HK2: variants seen among roughly 807,000 people sequenced by gnomAD.
HK2 encodes the protein hexokinase 2.
In HK2, 42 loss-of-function variants were observed where a neutral mutation model predicts 92.9. That is an observed-to-expected ratio of 0.45 (90% confidence interval 0.35 to 0.58). HK2 has a LOEUF of 0.58. Among genes scored for constraint, HK2 ranks in the 20% least tolerant of loss-of-function variants. The pLI, the probability that HK2 is intolerant of heterozygous loss-of-function variation, is 0.00. For synonymous variants in HK2, 422 were observed against 468.0 expected (o/e 0.90, Z 1.27); for missense variants, 978 against 1,245.1 (o/e 0.79, Z 3.23).
At chr2:74,865,214 A>G (rs1208183698) in intron 2 of HK2, among the ~76,000 whole-genome samples, 1 of 152,096 alleles carries the variant, frequency 6.6e-6, no homozygotes, top group Non-Finnish European at 1.5e-5. Flanking sequence ...TGTGTGTTCC[A>G]GAGGAGTCCT....
chr2:74,876,259 G>T (rs1247308668), intron 7 of HK2, among the ~76,000 whole-genome samples: 1 of 152,146 alleles, frequency 6.6e-6, no homozygotes, highest in African/African-American at 2.4e-5. Flanking sequence ...AGGTAACCTT[G>T]GAATCCCTTC....
At chr2:74,851,294 G>A (rs1688560760) in intron 1 of HK2, among the ~76,000 whole-genome samples, 1 of 152,232 alleles carries the variant, frequency 6.6e-6, no homozygotes, top group Admixed American at 6.5e-5. Context: ...GGAAGTGCCT[G>A]ACAGGTGAGA....
At chr2:74,856,535 G>C (rs1490242017) in intron 2 of HK2, among the ~76,000 whole-genome samples, 3 of 152,180 alleles carry the variant, frequency 2.0e-5, no homozygotes, top group Non-Finnish European at 4.4e-5. Flanking sequence ...ACACACTCCG[G>C]AAGGCCAGGG....
At chr2:74,888,803 G>A (rs1032719184) in intron 16 of HK2, among the ~76,000 whole-genome samples, 17 of 151,978 alleles carry the variant, frequency 1.1e-4, no homozygotes, top group African/African-American at 3.4e-4. Context: ...TTCGTAAATA[G>A]CATATAAATA....
chr2:74,848,947 G>T (rs1469604344), intron 1 of HK2, among the ~76,000 whole-genome samples: 1 of 152,204 alleles, frequency 6.6e-6, no homozygotes, highest in Non-Finnish European at 1.5e-5. Flanking sequence ...GATGGGCCTG[G>T]TTTCTCTGAG....
chr2:74,861,282 G>T (rs573656201), intron 2 of HK2, among the ~76,000 whole-genome samples: 1 of 152,140 alleles, frequency 6.6e-6, no homozygotes, highest in Non-Finnish European at 1.5e-5. Context: ...TTAGCCGGTT[G>T]TGGTGGCATG....
chr2:74,889,311 C>T lies in HK2; in HGVS notation c.2442C>T (p.Asp814=), dbSNP rs761447119. The T allele has an allele frequency of 1.5e-5, 25 of 1,614,124 alleles. No individual in the cohort carries two copies. The highest frequency in any genetic ancestry group is 5.0e-5 in the Admixed American group (3 of 60,018). ...ACTTAGGGCTTGAGAGCACCTGTGA[C>T]GACAGCATCATTGTTAAGGAGGTGT... ...LQHLGLESTC[D]DSIIVKEVCT... The change falls in exon 17 of 18, where the codon GAC becomes GAT. Residue 814 remains aspartate (D), a synonymous_variant. Transcript: ENST00000290573.
At chr2:74,855,934 A>G (rs1260088190) in intron 2 of HK2, among the ~76,000 whole-genome samples, 2 of 152,094 alleles carry the variant, frequency 1.3e-5, no homozygotes, top group Non-Finnish European at 2.9e-5. Context: ...AATCCTCATA[A>G]TAGGTGCCTC....
rs1220528209 is a variant in HK2, at chr2:74,892,941, A to G, written c.*2000A>G. ...ACAAAAGCCAAAAGGTTTCATGTAG[A>G]TTTTAGTTCACTAAAGGGTGCCCAC... On this transcript the variant is annotated 3_prime_UTR_variant, in exon 18 of 18. Transcript: ENST00000290573. 6.6e-6 allele frequency: 1 copy of G among 151,990 alleles called. No homozygotes were observed. The highest frequency in any genetic ancestry group is 2.4e-5 in the African/African-American group (1 of 41,372). 9.4% of individuals were successfully genotyped at this position (151,990 alleles called of 1,614,324 possible). A position where few individuals can be genotyped will look rare whatever the true frequency, so the allele number is the denominator to read the frequency against.
At chr2:74,884,234 G>A (rs534454707) in intron 12 of HK2, among the ~76,000 whole-genome samples, 1 of 152,330 alleles carries the variant, frequency 6.6e-6, no homozygotes, top group South Asian at 2.1e-4. Flanking sequence ...TGAGGAGCAC[G>A]TGTTAGGTCT....
At chr2:74,853,381 G>A (rs899746929) in intron 1 of HK2, among the ~76,000 whole-genome samples, 38 of 152,032 alleles carry the variant, frequency 2.5e-4, no homozygotes, top group Non-Finnish European at 5.1e-4. Context: ...GCTGGGTGTG[G>A]TGGTGCACCG....
chr2:74,852,059 G>C (rs891691137), intron 1 of HK2, among the ~76,000 whole-genome samples: 1 of 152,210 alleles, frequency 6.6e-6, no homozygotes, highest in African/African-American at 2.4e-5. Flanking sequence ...CCTCTCTGTA[G>C]AATAGAGATG....
chr2:74,854,599 G>A (rs1459979494), intron 2 of HK2, 144 bp downstream of exon 2: 16 of 894,700 alleles, frequency 1.8e-5, no homozygotes, highest in Non-Finnish European at 2.7e-5. Flanking sequence ...GGAAGGCTGT[G>A]TGACGGATGG....
At chr2:74,848,253 C>T (rs1220992626) in intron 1 of HK2, among the ~76,000 whole-genome samples, 7 of 152,196 alleles carry the variant, frequency 4.6e-5, no homozygotes, top group East Asian at 1.9e-4. Context: ...CATCTCTCCA[C>T]GCATTCTAGA....
chr2:74,860,120 C>T (rs551003307), intron 2 of HK2, among the ~76,000 whole-genome samples: 1 of 146,740 alleles, frequency 6.8e-6, no homozygotes, highest in South Asian at 2.1e-4. Flanking sequence ...ACAGTGTGTC[C>T]ACATGGACAT....
Position 74,867,670 on chromosome 2 carries a change from G to A in HK2, c.261G>A (p.Gly87=). The change falls in exon 3 of 18, where the codon GGG becomes GGA. Residue 87 remains glycine, a synonymous_variant. Coordinates refer to ENST00000290573, the MANE Select transcript of HK2 (RefSeq NM_000189.5). The stretch of plus-strand genomic sequence containing the variant: ...AGTTCCTGGCTCTGGATCTTGGAGG[G>A]ACCAACTTCCGTGTGCTTTGGGTGA... ...HGEFLALDLG[G]TNFRVLWVKV... 1 of 1,613,850 alleles carries A rather than the reference G, an allele frequency of 6.2e-7. No individual in the cohort carries two copies. The highest frequency in any genetic ancestry group is 8.5e-7 in the Non-Finnish European group (1 of 1,180,016).
intron 2 of HK2, among the ~76,000 whole-genome samples, chr2:74,859,012 G>C (rs1688754520): frequency 6.6e-6 from 1 of 152,238 alleles, no homozygotes; most frequent in African/African-American, 2.4e-5. Context: ...GTCCAGGAAT[G>C]TCTTACTCAA....
chr2:74,862,442 A>G (rs1545523), intron 2 of HK2, among the ~76,000 whole-genome samples: 98,640 of 152,180 alleles, frequency 0.65, 32,821 homozygotes, highest in African/African-American at 0.81. Flanking sequence ...CGTGCCCTTT[A>G]AAGAGTGAAA....
At chr2:74,840,690 ACC>A (rs1357113386) in intron 1 of HK2, among the ~76,000 whole-genome samples, 1 of 137,324 alleles carries the variant, frequency 7.3e-6, no homozygotes, top group South Asian at 2.4e-4. Flanking sequence ...ACACGGTGAA[ACC>A]CCGTCTCTAC....
Sources: gnomAD v4.1 joint callset for allele counts (sites outside exome capture counted in the v4.1 genomes callset) on GRCh38, gnomAD v4.1.1 for gene constraint, MANE v1.5 for transcripts, NCBI Gene and HGNC (gene_info 2026-07-23, HGNC 2026-07-21) for gene names.